Variants in XRCC6 observed in about 807,000 individuals in gnomAD.
The protein encoded by XRCC6 is X-ray repair cross complementing 6.
A neutral mutation model predicts 65.7 loss-of-function variants in XRCC6; 5 were observed. The observed-to-expected ratio is 0.08, with a 90% CI of 0.04 to 0.16. The LOEUF is 0.16. XRCC6 is among the 10% of genes least tolerant of loss of function. The probability of loss-of-function intolerance (pLI) is 1.00; values close to 1 mark genes in which losing one functional copy is unlikely to be tolerated. For missense variants in XRCC6, 447 were observed against 738.1 expected (o/e 0.61, Z 4.57); for synonymous variants, 270 against 270.6 (o/e 1.00, Z 0.02).
chr22:41,653,461 T>C (rs1402179000), intron 8 of XRCC6, 68 bp from the exon 9 acceptor site: 4 of 1,434,770 alleles, frequency 2.8e-6, no homozygotes, highest in Middle Eastern at 2.6e-4. Context: ...AGAGAAACTT[T>C]AGGGCTAAAA....
Position 41,650,847 on chromosome 22 carries a change from T to C in XRCC6, c.1085T>C (p.Leu362Pro). Reference protein sequence around the residue: ...PLVLLKKHHYLRPSLFVYPEE... With the variant: ...PLVLLKKHHYPRPSLFVYPEE... ...GTACTGCTGAAGAAACACCATTACC[T>C]GAGGCCCTCCCTGTTCGTGTACCCA... Residue 362 changes from leucine (L) to proline (P), a missense_variant, in exon 8 of 13, where the codon CTG becomes CCG. Physicochemically the swap from Leu to Pro is moderately conservative, Grantham distance 98. Coordinates refer to ENST00000360079, the MANE Select transcript of XRCC6 (RefSeq NM_001469.5). 6.2e-7 allele frequency: 1 copy of C among 1,614,078 alleles called. No individual in the cohort carries two copies. The highest frequency in any genetic ancestry group is 8.5e-7 in the Non-Finnish European group (1 of 1,179,978).
chr22:41,630,313 A>G (rs1316953070), intron 3 of XRCC6, among the ~76,000 whole-genome samples: 4 of 150,630 alleles, frequency 2.7e-5, no homozygotes, highest in Non-Finnish European at 5.9e-5. Context: ...GTGTCTCACT[A>G]TTGCTCAGGC....
chr22:41,628,031 ACTTTC>A (rs1360895297), intron 2 of XRCC6, 82 bp from the exon 3 acceptor site: 10 of 847,760 alleles, frequency 1.2e-5, no homozygotes, highest in African/African-American at 1.0e-4. Context: ...ATTAGGTTAT[ACTTTC>A]CTTTATGGCC....
intron 11 of XRCC6, among the ~76,000 whole-genome samples, chr22:41,658,915 G>C (rs886639965): frequency 1.3e-5 from 2 of 152,224 alleles, no homozygotes; most frequent in African/African-American, 4.8e-5. Context: ...TGGTGACAGA[G>C]CGAGACGCTG....
At chr22:41,626,491 G>T (rs1419040270) in intron 2 of XRCC6, among the ~76,000 whole-genome samples, 1 of 151,784 alleles carries the variant, frequency 6.6e-6, no homozygotes. Flanking sequence ...GTCTTGCTCT[G>T]TGGCCCAGGC....
intron 7 of XRCC6, among the ~76,000 whole-genome samples, chr22:41,649,053 A>T (rs150008437): frequency 0.011 from 1,674 of 150,324 alleles, 29 homozygotes; most frequent in African/African-American, 0.039. Flanking sequence ...TGGGCATCAT[A>T]GCGAGACCCT....
chr22:41,647,868 T>A (rs1441058839), intron 7 of XRCC6, among the ~76,000 whole-genome samples: 1 of 152,130 alleles, frequency 6.6e-6, no homozygotes, highest in African/African-American at 2.4e-5. Flanking sequence ...CCACCACACC[T>A]AACCCAAGAT....
chr22:41,628,702 G>T (rs950973456), intron 3 of XRCC6, among the ~76,000 whole-genome samples: 1 of 152,100 alleles, frequency 6.6e-6, no homozygotes, highest in Non-Finnish European at 1.5e-5. Context: ...TGGGCGTGGT[G>T]GCTCATGTCT....
intron 3 of XRCC6, among the ~76,000 whole-genome samples, chr22:41,631,489 G>A (rs1162458989): frequency 1.3e-5 from 2 of 150,144 alleles, no homozygotes; most frequent in Non-Finnish European, 3.0e-5. Flanking sequence ...CCTCCCAGAC[G>A]GGGTCACGGC....
At chr22:41,626,706 C>T (rs533724806) in intron 2 of XRCC6, among the ~76,000 whole-genome samples, 15 of 149,066 alleles carry the variant, frequency 1.0e-4, no homozygotes, top group African/African-American at 3.0e-4. Context: ...GGCGTGATCT[C>T]GGCTCACTGG....
intron 9 of XRCC6, among the ~76,000 whole-genome samples, chr22:41,654,511 A>G (rs1319173964): frequency 1.3e-5 from 2 of 152,088 alleles, no homozygotes; most frequent in African/African-American, 4.8e-5. Context: ...GAGGTGAGGG[A>G]TTTGCTTCTT....
intron 1 of XRCC6, 132 bp downstream of exon 1, chr22:41,621,477 G>A: frequency 6.0e-6 from 1 of 165,656 alleles, no homozygotes; most frequent in South Asian, 1.3e-4. Context: ...GCGAATCCGA[G>A]GAGCAGCGAC....
intron 8 of XRCC6, among the ~76,000 whole-genome samples, chr22:41,652,029 C>G (rs946273212): frequency 6.6e-6 from 1 of 152,172 alleles, no homozygotes; most frequent in Non-Finnish European, 1.5e-5. Flanking sequence ...GGTGATTCAC[C>G]CGCCTCGGCC....
chr22:41,634,372 G>T (rs1047091407), intron 3 of XRCC6, among the ~76,000 whole-genome samples: 1 of 151,608 alleles, frequency 6.6e-6, no homozygotes, highest in Admixed American at 6.6e-5. Context: ...TTTGTTTTTT[G>T]TAGAGACATT....
intron 8 of XRCC6, among the ~76,000 whole-genome samples, chr22:41,652,288 T>A (rs1291974384): frequency 6.6e-6 from 1 of 152,104 alleles, no homozygotes; most frequent in Non-Finnish European, 1.5e-5. Flanking sequence ...CAGATTTGAC[T>A]CGATTGGTTT....
At chr22:41,643,712 T>TCTC in intron 6 of XRCC6, among the ~76,000 whole-genome samples, 1 of 151,592 alleles carries the variant, frequency 6.6e-6, no homozygotes, top group African/African-American at 2.4e-5. Context: ...TCCCAGCTAC[T>TCTC]CAGGAGGCTG....
intron 3 of XRCC6, among the ~76,000 whole-genome samples, chr22:41,633,378 T>G (rs1283768770): frequency 6.6e-6 from 1 of 152,022 alleles, no homozygotes; most frequent in African/African-American, 2.4e-5. Context: ...TGCTTTAACC[T>G]TTTTTAGACC....
At chr22:41,629,888 C>A (rs978751108) in intron 3 of XRCC6, among the ~76,000 whole-genome samples, 1 of 151,642 alleles carries the variant, frequency 6.6e-6, no homozygotes, top group Non-Finnish European at 1.5e-5. Context: ...CCAGGATGGT[C>A]TCAATCTCCT....
chr22:41,649,136 AAAAATATATATATATATAT>A (rs2067966123), intron 7 of XRCC6, among the ~76,000 whole-genome samples: 1 of 122,822 alleles, frequency 8.1e-6, no homozygotes. Context: ...CAAAAAAAAA[AAAAATATATATATATATAT>A]ATATATATGT....
Sources: allele counts gnomAD v4.1 joint callset (sites outside exome capture counted in the v4.1 genomes callset), GRCh38; gene constraint gnomAD v4.1.1; transcripts MANE v1.5; gene names NCBI Gene and HGNC (gene_info 2026-07-23, HGNC 2026-07-21).